The following MBD5 variants were observed in gnomAD, a reference collection of about 807,000 sequenced individuals.
MBD5 encodes the protein methyl-CpG binding domain protein 5, also known as methyl-CpG-binding domain protein 5.
A neutral mutation model predicts 117.3 loss-of-function variants in MBD5; 13 were observed. That is an observed-to-expected ratio of 0.11 (90% CI 0.07 to 0.18). MBD5 has a LOEUF of 0.18. MBD5 is among the 10% of genes least tolerant of loss of function. MBD5 has a pLI of 1.00. For missense variants in MBD5, 1,879 were observed against 2,093.8 expected, an observed-to-expected ratio of 0.90 and a Z score of 2.00; for synonymous variants, 727 against 766.4, an observed-to-expected ratio of 0.95 and a Z score of 0.85.
chr2:148,352,716 T>C (rs755253190), intron 4 of MBD5, among the ~76,000 whole-genome samples: 4 of 152,162 alleles, frequency 2.6e-5, no homozygotes, highest in Non-Finnish European at 5.9e-5. Context: ...TTCCTTTTTA[T>C]TGCTTAGTAG....
chr2:148,160,432 G>T (rs1383912919), intron 1 of MBD5, among the ~76,000 whole-genome samples: 2 of 152,070 alleles, frequency 1.3e-5, no homozygotes. Context: ...TTTTGGTGTG[G>T]TATATAAGGT....
At chr2:148,101,814 CTGTT>C (rs1481688676) in intron 1 of MBD5, among the ~76,000 whole-genome samples, 2 of 152,016 alleles carry the variant, frequency 1.3e-5, no homozygotes, top group African/African-American at 4.8e-5. Context: ...TATTACACTT[CTGTT>C]TGTTTTGTCT....
chr2:148,482,457 T>G (rs1301667571), intron 8 of MBD5, among the ~76,000 whole-genome samples: 3 of 152,052 alleles, frequency 2.0e-5, no homozygotes, highest in African/African-American at 7.2e-5. Flanking sequence ...TATAGCATGA[T>G]TCTATTTTTA....
intron 1 of MBD5, among the ~76,000 whole-genome samples, chr2:148,078,087 A>G (rs1695548627): frequency 6.6e-6 from 1 of 152,180 alleles, no homozygotes; most frequent in Non-Finnish European, 1.5e-5. Context: ...TGAGTTGCTT[A>G]TAGGAACTAG....
At chr2:148,164,600 G>T (rs901408059) in intron 1 of MBD5, among the ~76,000 whole-genome samples, 6 of 151,922 alleles carry the variant, frequency 3.9e-5, no homozygotes, top group African/African-American at 7.2e-5. Context: ...ATTAATTTTT[G>T]TTTTCATGTT....
chr2:148,172,313 C>T (rs1698281819), intron 1 of MBD5, among the ~76,000 whole-genome samples: 1 of 152,236 alleles, frequency 6.6e-6, no homozygotes, highest in Non-Finnish European at 1.5e-5. Context: ...CCTGGCCTCT[C>T]CTTGCTCCCG....
chr2:148,421,061 T>C (rs575306693), intron 4 of MBD5, among the ~76,000 whole-genome samples: 101 of 152,192 alleles, frequency 6.6e-4, no homozygotes, highest in Non-Finnish European at 1.1e-3. Flanking sequence ...AGTCACACTT[T>C]GAATTCTGTC....
chr2:148,233,005 A>C (rs1222364231), intron 2 of MBD5, among the ~76,000 whole-genome samples: 1 of 152,032 alleles, frequency 6.6e-6, no homozygotes, highest in Non-Finnish European at 1.5e-5. Context: ...TGTTTATTTA[A>C]CCTCTTTTGA....
intron 3 of MBD5, chr2:148,295,671 A>G (rs1701630517): frequency 6.5e-6 from 1 of 153,244 alleles, no homozygotes; most frequent in South Asian, 2.0e-4. Context: ...CTACAGTGTC[A>G]TCAAAGGACA....
chr2:148,349,368 A>G (rs1480284626), intron 4 of MBD5, among the ~76,000 whole-genome samples: 1 of 151,996 alleles, frequency 6.6e-6, no homozygotes, highest in Admixed American at 6.6e-5. Flanking sequence ...TTTAAAGCCT[A>G]TTCTCCTTCA....
chr2:148,237,635 T>C (rs1700119259), intron 3 of MBD5, among the ~76,000 whole-genome samples: 1 of 152,114 alleles, frequency 6.6e-6, no homozygotes, highest in Non-Finnish European at 1.5e-5. Flanking sequence ...ACAGATATTA[T>C]AATGAAAAAG....
At chr2:148,219,861 A>G (rs1284052006) in intron 2 of MBD5, 1 of 152,214 alleles carries the variant, frequency 6.6e-6, no homozygotes, top group Admixed American at 6.5e-5. Flanking sequence ...AACCTCTAGG[A>G]TAGTCAAATA....
At chr2:148,168,488 A>AT (rs1027811146) in intron 1 of MBD5, among the ~76,000 whole-genome samples, 2 of 152,182 alleles carry the variant, frequency 1.3e-5, no homozygotes, top group African/African-American at 2.4e-5. Flanking sequence ...AGTGGTAGTG[A>AT]TTTTTTAAGA....
intron 8 of MBD5, among the ~76,000 whole-genome samples, chr2:148,480,340 G>A (rs1208718761): frequency 2.6e-5 from 4 of 151,972 alleles, no homozygotes; most frequent in Non-Finnish European, 4.4e-5. Context: ...CTTGTCTGTT[G>A]CAAAATAAAG....
At chr2:148,033,201 A>G (rs186091634) in intron 1 of MBD5, among the ~76,000 whole-genome samples, 18 of 152,348 alleles carry the variant, frequency 1.2e-4, no homozygotes, top group Non-Finnish European at 2.2e-4. Flanking sequence ...TTGTTAGAAT[A>G]TAAACATTTA....
chr2:148,282,910 T>A (rs1444992821), intron 3 of MBD5, among the ~76,000 whole-genome samples: 4 of 126,400 alleles, frequency 3.2e-5, no homozygotes, highest in African/African-American at 1.2e-4. Flanking sequence ...CCCCCCCCCA[T>A]CAGATGCAAT....
At chr2:148,044,401 A>G (rs1694458065) in intron 1 of MBD5, 1 of 152,204 alleles carries the variant, frequency 6.6e-6, no homozygotes, top group African/African-American at 2.4e-5. Flanking sequence ...ACTGAGAACC[A>G]GGTTACAAGT....
chr2:148,357,802 A>T (rs1445225892), intron 4 of MBD5, among the ~76,000 whole-genome samples: 1 of 151,884 alleles, frequency 6.6e-6, no homozygotes, highest in African/African-American at 2.4e-5. Context: ...GAAATATAAA[A>T]TTATGTTTTT....
intron 3 of MBD5, among the ~76,000 whole-genome samples, chr2:148,237,097 T>C (rs915483365): frequency 1.3e-5 from 2 of 152,246 alleles, no homozygotes; most frequent in Non-Finnish European, 2.9e-5. Flanking sequence ...GGCCTTTCTC[T>C]GGATTCAGCT....
Sources: gnomAD v4.1 joint callset for allele counts (sites outside exome capture counted in the v4.1 genomes callset) on GRCh38, gnomAD v4.1.1 for gene constraint, MANE v1.5 for transcripts, NCBI Gene and HGNC (gene_info 2026-07-23, HGNC 2026-07-21) for gene names.